Variants in PPP3CC observed in about 807,000 individuals in gnomAD.
PPP3CC encodes the protein protein phosphatase 3 catalytic subunit gamma, also known as serine/threonine-protein phosphatase 2B catalytic subunit gamma isoform.
A neutral mutation model predicts 60.3 loss-of-function variants in PPP3CC; 35 were observed. That is an observed-to-expected ratio of 0.58 (90% CI 0.44 to 0.77). PPP3CC has a LOEUF of 0.77. Among genes scored for constraint, PPP3CC ranks in the 30% least tolerant of loss-of-function variants. The pLI is 0.00. For missense variants in PPP3CC, 570 were observed against 628.9 expected, an observed-to-expected ratio of 0.91 and a Z score of 1.00; for synonymous variants, 206 against 224.3, an observed-to-expected ratio of 0.92 and a Z score of 0.73.
chr8:22,532,934 A>T lies in PPP3CC; in HGVS notation c.1237A>T (p.Ser413Cys), dbSNP rs1839755612. ...VFSILRQESE[S>C]VLTLKGLTPT... is the part of the protein sequence containing the mutation. ...CTCCCTTTGCAGGCAAGAAAGTGAGAGTGTGCTGACTCTCAAGGGCCTGAC... is the reference window on the plus strand; with the variant it reads ...CTCCCTTTGCAGGCAAGAAAGTGAGTGTGTGCTGACTCTCAAGGGCCTGAC... Residue 413 changes from serine to cysteine, a missense_variant, in exon 12 of 14, where the codon AGT becomes TGT. By Grantham distance (112) the Ser-to-Cys change is moderately radical. Coordinates refer to ENST00000240139, the MANE Select transcript of PPP3CC (RefSeq NM_005605.5). 7 of 1,594,582 alleles carry T rather than the reference A, an allele frequency of 4.4e-6. No individual in the cohort carries two copies. The highest frequency in any genetic ancestry group is 6.0e-6 in the Non-Finnish European group (7 of 1,169,852).
chr8:22,468,497 T>C (rs1190366407), intron 1 of PPP3CC, among the ~76,000 whole-genome samples: 1 of 152,242 alleles, frequency 6.6e-6, no homozygotes, highest in Non-Finnish European at 1.5e-5. Flanking sequence ...AGTTTATTTT[T>C]ACATATTTAT....
chr8:22,512,749 C>T (rs780420009), intron 5 of PPP3CC, among the ~76,000 whole-genome samples: 2 of 152,122 alleles, frequency 1.3e-5, no homozygotes, highest in Non-Finnish European at 2.9e-5. Flanking sequence ...GGGTCTTTTA[C>T]TACAGTATGG....
At chr8:22,474,514 G>A (rs983319426) in intron 1 of PPP3CC, among the ~76,000 whole-genome samples, 1 of 151,992 alleles carries the variant, frequency 6.6e-6, no homozygotes, top group Non-Finnish European at 1.5e-5. Context: ...GAGCAGGCTG[G>A]CCAACATGGT....
chr8:22,490,062 A>G (rs1462437424), intron 3 of PPP3CC, among the ~76,000 whole-genome samples: 3 of 151,866 alleles, frequency 2.0e-5, no homozygotes, highest in South Asian at 2.1e-4. Context: ...TGACCTCGTG[A>G]TCTACCCACC....
At chr8:22,503,004 A>G (rs1838807035) in intron 4 of PPP3CC, among the ~76,000 whole-genome samples, 1 of 152,108 alleles carries the variant, frequency 6.6e-6, no homozygotes, top group African/African-American at 2.4e-5. Context: ...GCCATCGCGC[A>G]TGGCTTACTT....
chr8:22,523,915 A>C (rs1839474048), intron 8 of PPP3CC, among the ~76,000 whole-genome samples: 3 of 152,186 alleles, frequency 2.0e-5, no homozygotes, highest in African/African-American at 7.2e-5. Flanking sequence ...GCATCTCTGG[A>C]TTAATTATAT....
At chr8:22,479,870 A>T (rs971630582) in intron 3 of PPP3CC, among the ~76,000 whole-genome samples, 6 of 152,120 alleles carry the variant, frequency 3.9e-5, no homozygotes. Context: ...AATGTTATGT[A>T]TTGCTGTTTG....
chr8:22,514,244 T>A (rs1285964286), intron 6 of PPP3CC, among the ~76,000 whole-genome samples: 6 of 95,946 alleles, frequency 6.3e-5, no homozygotes, highest in Admixed American at 1.3e-4. Flanking sequence ...CAAGACTCTG[T>A]CTCCAAAAAA....
chr8:22,496,634 A>G (rs1838596365), intron 3 of PPP3CC, among the ~76,000 whole-genome samples: 1 of 150,758 alleles, frequency 6.6e-6, no homozygotes, highest in Admixed American at 6.6e-5. Flanking sequence ...GGCAGCTGGG[A>G]TTGCAGGCAC....
intron 1 of PPP3CC, among the ~76,000 whole-genome samples, chr8:22,460,763 A>G (rs1482135980): frequency 6.6e-6 from 1 of 152,230 alleles, no homozygotes; most frequent in Non-Finnish European, 1.5e-5. Flanking sequence ...ACCGTGAGGC[A>G]TGATCAAGCA....
chr8:22,461,869 T>A (rs1837371724), intron 1 of PPP3CC, among the ~76,000 whole-genome samples: 1 of 152,186 alleles, frequency 6.6e-6, no homozygotes, highest in Non-Finnish European at 1.5e-5. Context: ...CTAGGACACA[T>A]AAGTCCCTGA....
chr8:22,481,645 C>T (rs1010831157), intron 3 of PPP3CC, among the ~76,000 whole-genome samples: 5 of 151,628 alleles, frequency 3.3e-5, no homozygotes, highest in African/African-American at 1.2e-4. Flanking sequence ...CTGCATCCAT[C>T]AACCTGTCAT....
At chr8:22,445,855 T>C (rs1836805012) in intron 1 of PPP3CC, among the ~76,000 whole-genome samples, 1 of 152,216 alleles carries the variant, frequency 6.6e-6, no homozygotes, top group Non-Finnish European at 1.5e-5. Flanking sequence ...TGCCAAACTT[T>C]TGAAACATTC....
chr8:22,441,120 G>T lies in PPP3CC; in HGVS notation c.-290G>T. 3.3e-6 allele frequency: 1 copy of T among 302,040 alleles called. No individual in the cohort carries two copies. The highest frequency in any genetic ancestry group is 2.2e-5 in the African/African-American group (1 of 46,132). The allele number at this position is 302,040 out of a possible 1,614,324, so 18.7% of individuals were successfully genotyped here. On this transcript the variant is annotated 5_prime_UTR_variant, in exon 1 of 14. Transcript: ENST00000240139. ...GGCCGCGAGCAGCCGCGGCCGTCCCGGTCGCCACCCTTAGCAGCGGTCGCG... is the reference window on the plus strand; with the variant it reads ...GGCCGCGAGCAGCCGCGGCCGTCCCTGTCGCCACCCTTAGCAGCGGTCGCG...
At chr8:22,521,727 A>T (rs1208128651) in intron 6 of PPP3CC, among the ~76,000 whole-genome samples, 1 of 152,182 alleles carries the variant, frequency 6.6e-6, no homozygotes, top group Admixed American at 6.6e-5. Context: ...ATTAATGCCT[A>T]AGTAATTCCA....
chr8:22,456,130 C>T (rs942027914), intron 1 of PPP3CC, among the ~76,000 whole-genome samples: 5 of 152,156 alleles, frequency 3.3e-5, no homozygotes, highest in African/African-American at 9.7e-5. Context: ...GCTATTTAGG[C>T]AAATCCTAGT....
intron 12 of PPP3CC, among the ~76,000 whole-genome samples, chr8:22,535,434 CTTG>C (rs1180524264): frequency 2.6e-5 from 4 of 152,144 alleles, no homozygotes; most frequent in Non-Finnish European, 5.9e-5. Flanking sequence ...TTTTGCTCCC[CTTG>C]TTTTGTTGAA....
At chr8:22,477,646 G>A (rs1050417618) in intron 3 of PPP3CC, among the ~76,000 whole-genome samples, 1 of 151,740 alleles carries the variant, frequency 6.6e-6, no homozygotes, top group Non-Finnish European at 1.5e-5. Flanking sequence ...TATTTTTTTA[G>A]AGATGGGGTC....
Position 22,540,804 on chromosome 8 carries a change from T to A in PPP3CC, c.*2T>A, listed in dbSNP as rs758837332. ...CAAGGGAAGAAAGCCCATTCATGAC[T>A]TAGAGTCCTGCCGTGGCTCAGGTGG... On this transcript the variant is annotated 3_prime_UTR_variant, in exon 14 of 14. Transcript: ENST00000240139. The A allele has an allele frequency of 1.9e-6, 3 of 1,604,738 alleles. No homozygotes were observed. The highest frequency in any genetic ancestry group is 2.6e-6 in the Non-Finnish European group (3 of 1,175,150).
Sources: gnomAD v4.1 joint callset for allele counts (sites outside exome capture counted in the v4.1 genomes callset) on GRCh38, gnomAD v4.1.1 for gene constraint, MANE v1.5 for transcripts, NCBI Gene and HGNC (gene_info 2026-07-23, HGNC 2026-07-21) for gene names.